Variants in ROR2 observed in about 807,000 individuals in gnomAD.
The protein encoded by ROR2 is tyrosine-protein kinase transmembrane receptor ROR2.
In ROR2, 33 loss-of-function variants were observed where a neutral mutation model predicts 74.9. The ratio of observed to expected loss-of-function variants is 0.44; its 90% CI spans 0.33 to 0.59. ROR2 has a LOEUF of 0.59. Ranked by LOEUF, ROR2 falls within the 20% of genes least tolerant of loss-of-function variation. The pLI is 0.02. For synonymous variants in ROR2, 586 were observed against 558.7 expected (o/e 1.05, Z -0.69); for missense variants, 1,216 against 1,313.8 (o/e 0.93, Z 1.15).
At chr9:91,881,908 G>C (rs774284125) in intron 1 of ROR2, among the ~76,000 whole-genome samples, 22 of 152,218 alleles carry the variant, frequency 1.4e-4, no homozygotes, top group Non-Finnish European at 2.6e-4. Context: ...TACTAAAGGA[G>C]TAGGAGGGCA....
intron 4 of ROR2, among the ~76,000 whole-genome samples, chr9:91,738,159 T>C (rs1306462267): frequency 6.6e-6 from 1 of 152,210 alleles, no homozygotes; most frequent in Non-Finnish European, 1.5e-5. Flanking sequence ...TGATTTTAGT[T>C]AATAATAATG....
intron 6 of ROR2, among the ~76,000 whole-genome samples, chr9:91,732,724 G>T (rs902849017): frequency 6.6e-6 from 1 of 152,286 alleles, no homozygotes; most frequent in African/African-American, 2.4e-5. Context: ...CTGGCGGCCC[G>T]AGTGCGTGCT....
intron 1 of ROR2, among the ~76,000 whole-genome samples, chr9:91,911,995 G>A (rs1831002210): frequency 6.8e-6 from 1 of 147,186 alleles, no homozygotes; most frequent in African/African-American, 2.5e-5. Context: ...AAATTTATCG[G>A]AGGTACTCCT....
At chr9:91,823,321 C>G (rs977889382) in intron 1 of ROR2, among the ~76,000 whole-genome samples, 2 of 151,808 alleles carry the variant, frequency 1.3e-5, no homozygotes, top group Non-Finnish European at 2.9e-5. Flanking sequence ...AACTTATTTT[C>G]AAACTGTTCA....
At chr9:91,840,206 C>T (rs921118501) in intron 1 of ROR2, among the ~76,000 whole-genome samples, 1 of 152,190 alleles carries the variant, frequency 6.6e-6, no homozygotes, top group South Asian at 2.1e-4. Context: ...CCCGGGAGAG[C>T]AAGGACCAGC....
chr9:91,940,963 C>A (rs1290415752), intron 1 of ROR2, among the ~76,000 whole-genome samples: 1 of 151,174 alleles, frequency 6.6e-6, no homozygotes, highest in South Asian at 2.1e-4. Flanking sequence ...CTGGCTTCAG[C>A]CATCCATTGT....
intron 1 of ROR2, among the ~76,000 whole-genome samples, chr9:91,945,146 T>C (rs1467151758): frequency 6.6e-6 from 1 of 151,840 alleles, no homozygotes; most frequent in Non-Finnish European, 1.5e-5. Context: ...TCTACTAAAA[T>C]CCCAGTGACA....
chr9:91,802,718 T>G (rs1827427709), intron 1 of ROR2, among the ~76,000 whole-genome samples: 1 of 152,112 alleles, frequency 6.6e-6, no homozygotes, highest in Non-Finnish European at 1.5e-5. Flanking sequence ...CAGCCTGCAG[T>G]GGCACGAGGT....
chr9:91,799,710 G>A (rs1336969229), intron 1 of ROR2, among the ~76,000 whole-genome samples: 1 of 152,172 alleles, frequency 6.6e-6, no homozygotes, highest in Admixed American at 6.5e-5. Context: ...TCACATTCCT[G>A]ACACACAAGT....
intron 4 of ROR2, among the ~76,000 whole-genome samples, chr9:91,746,859 TGTG>T (rs1564247835): frequency 7.0e-5 from 1 of 14,266 alleles, no homozygotes; most frequent in East Asian, 2.2e-3. Flanking sequence ...CTTGAGCAGG[TGTG>T]TGTGTGTGTG....
rs79155378 is a variant in ROR2, at chr9:91,730,322, G to A, written c.1183+588C>T. Reference sequence around the variant, plus strand: ...ACATGGGAAAAGGGCTGATGGAAGGGGGTGGGCCAAAACGCAAACAAGTCA... The same window carrying A: ...ACATGGGAAAAGGGCTGATGGAAGGAGGTGGGCCAAAACGCAAACAAGTCA... On this transcript the variant is annotated intron_variant, in intron 7 of 8. Transcript: ENST00000375708. Among the ~76,000 whole-genome samples the A allele has an allele frequency of 8.5e-5, 13 of 152,288 alleles. No homozygotes were observed. In the East Asian group the frequency reaches 2.5e-3, roughly 29 times the overall value.
chr9:91,797,166 T>C (rs1261396901), intron 1 of ROR2, among the ~76,000 whole-genome samples: 1 of 79,840 alleles, frequency 1.3e-5, no homozygotes, highest in East Asian at 3.7e-4. Flanking sequence ...CACACTGGGC[T>C]TTGTGGGAGA....
chr9:91,911,454 T>C (rs1341028605), intron 1 of ROR2, among the ~76,000 whole-genome samples: 1 of 152,180 alleles, frequency 6.6e-6, no homozygotes, highest in Non-Finnish European at 1.5e-5. Context: ...AAATATGATA[T>C]AATCGTATGA....
chr9:91,748,974 C>T (rs984355703), intron 4 of ROR2, among the ~76,000 whole-genome samples: 16 of 152,094 alleles, frequency 1.1e-4, no homozygotes, highest in African/African-American at 3.4e-4. Flanking sequence ...TGCAGTGAGC[C>T]GATACCGTGC....
At chr9:91,732,830 GA>G (rs1025856453) in intron 6 of ROR2, among the ~76,000 whole-genome samples, 1 of 152,192 alleles carries the variant, frequency 6.6e-6, no homozygotes, top group African/African-American at 2.4e-5. Context: ...TCAGAGAAGG[GA>G]AATCCCAGGC....
At chr9:91,767,423 T>C (rs1225605338) in intron 2 of ROR2, among the ~76,000 whole-genome samples, 1 of 152,176 alleles carries the variant, frequency 6.6e-6, no homozygotes, top group Non-Finnish European at 1.5e-5. Flanking sequence ...ACCAACTTGG[T>C]CAAATTACTT....
At chr9:91,916,973 C>G (rs553499537) in intron 1 of ROR2, among the ~76,000 whole-genome samples, 1 of 152,200 alleles carries the variant, frequency 6.6e-6, no homozygotes, top group South Asian at 2.1e-4. Flanking sequence ...CTCTGCTTTT[C>G]CTTGCTTATT....
intron 1 of ROR2, among the ~76,000 whole-genome samples, chr9:91,869,878 C>T (rs914489305): frequency 1.3e-5 from 2 of 152,166 alleles, no homozygotes; most frequent in African/African-American, 4.8e-5. Context: ...AATAAGCATT[C>T]ATAAAAGTTA....
chr9:91,730,144 T>C (rs1837185424), intron 7 of ROR2, among the ~76,000 whole-genome samples: 2 of 152,178 alleles, frequency 1.3e-5, no homozygotes, highest in Admixed American at 1.3e-4. Flanking sequence ...GTTTTTGCCA[T>C]GTTGCTCAGA....
Sources: gnomAD v4.1 joint callset for allele counts (sites outside exome capture counted in the v4.1 genomes callset) on GRCh38, gnomAD v4.1.1 for gene constraint, MANE v1.5 for transcripts, NCBI Gene and HGNC (gene_info 2026-07-23, HGNC 2026-07-21) for gene names.